ATP8B4: variants seen among roughly 807,000 people sequenced by gnomAD.
ATP8B4 encodes the protein probable phospholipid-transporting ATPase IM.
Under a neutral mutation model 145.6 loss-of-function variants are expected in ATP8B4, and 133 were observed. The observed-to-expected ratio is 0.91, with a 90% CI of 0.79 to 1.05. The LOEUF is 1.05. ATP8B4 is among the 50% of genes least tolerant of loss of function. The pLI, the probability that ATP8B4 is intolerant of heterozygous loss-of-function variation, is 0.00. For missense variants in ATP8B4, 1,458 were observed against 1,425.2 expected (o/e 1.02, Z -0.37); for synonymous variants, 507 against 492.9 (o/e 1.03, Z -0.38).
intron 12 of ATP8B4, among the ~76,000 whole-genome samples, chr15:49,976,576 C>A (rs1292380458): frequency 6.6e-6 from 1 of 152,092 alleles, no homozygotes; most frequent in African/African-American, 2.4e-5. Context: ...GGTCACAACA[C>A]AAATCATGAA....
At chr15:50,135,010 A>AAC (rs1640721023) in intron 1 of ATP8B4, among the ~76,000 whole-genome samples, 1 of 152,208 alleles carries the variant, frequency 6.6e-6, no homozygotes, top group African/African-American at 2.4e-5. Context: ...ACAAAACCTG[A>AAC]ACATTGTTAA....
chr15:49,878,295 C>G (rs991705545), intron 24 of ATP8B4, among the ~76,000 whole-genome samples: 3 of 152,178 alleles, frequency 2.0e-5, no homozygotes, highest in Non-Finnish European at 2.9e-5. Flanking sequence ...TTCAGAAGTT[C>G]ATTACTTTTT....
intron 16 of ATP8B4, among the ~76,000 whole-genome samples, chr15:49,925,554 C>T (rs1292951210): frequency 6.6e-6 from 1 of 152,184 alleles, no homozygotes; most frequent in African/African-American, 2.4e-5. Context: ...CTGGAAGAAT[C>T]ACAAACTGAT....
Position 50,062,158 on chromosome 15 carries a change from A to G in ATP8B4, c.87+11969T>C, listed in dbSNP as rs147007722. ...GTGTCCCCACCCAAGTCTCATATTG[A>G]AATGTAATCTCCAGTGTTGGAGGTG... On this transcript the variant is annotated intron_variant, in intron 3 of 27. Transcript: ENST00000284509. 2.6e-5 allele frequency among the ~76,000 whole-genome samples: 4 copies of G among 152,284 alleles called. No homozygotes were observed. The East Asian group carries it at 7.7e-4, about 29-fold the overall frequency.
At chr15:50,111,655 T>C (rs1361961164) in intron 1 of ATP8B4, among the ~76,000 whole-genome samples, 1 of 152,182 alleles carries the variant, frequency 6.6e-6, no homozygotes, top group East Asian at 1.9e-4. Context: ...TCCTGCTTTT[T>C]CTACTAACTC....
intron 1 of ATP8B4, among the ~76,000 whole-genome samples, chr15:50,142,816 G>A (rs1194240473): frequency 3.3e-5 from 5 of 152,168 alleles, no homozygotes; most frequent in African/African-American, 1.2e-4. Flanking sequence ...CAGTAGGCAT[G>A]CAGGGAGGGA....
chr15:50,134,273 T>C (rs2044091428), intron 1 of ATP8B4, among the ~76,000 whole-genome samples: 4 of 152,006 alleles, frequency 2.6e-5, no homozygotes, highest in African/African-American at 2.4e-5. Flanking sequence ...TAAAACATAA[T>C]GTAAAAATAA....
At chr15:49,998,975 A>G (rs1043729739) in intron 8 of ATP8B4, among the ~76,000 whole-genome samples, 3 of 152,114 alleles carry the variant, frequency 2.0e-5, no homozygotes, top group Admixed American at 1.3e-4. Flanking sequence ...CAGTTTTCCC[A>G]GCACCATTTA....
chr15:50,080,227 G>T (rs2153640795), intron 2 of ATP8B4, among the ~76,000 whole-genome samples: 1 of 152,252 alleles, frequency 6.6e-6, no homozygotes, highest in Middle Eastern at 3.4e-3. Context: ...GCACTCATTG[G>T]ATGCTTGTCT....
chr15:50,154,029 G>A (rs1484103778), intron 1 of ATP8B4, among the ~76,000 whole-genome samples: 2 of 152,166 alleles, frequency 1.3e-5, no homozygotes, highest in East Asian at 3.8e-4. Context: ...TCTTTAGAAA[G>A]ACATAAATAA....
chr15:50,146,397 T>C (rs1053983272), intron 1 of ATP8B4, among the ~76,000 whole-genome samples: 2 of 152,206 alleles, frequency 1.3e-5, no homozygotes, highest in Non-Finnish European at 2.9e-5. Flanking sequence ...TAAGCATGTA[T>C]CATATAAAAA....
intron 25 of ATP8B4, among the ~76,000 whole-genome samples, chr15:49,867,772 T>C (rs1164320130): frequency 6.6e-6 from 1 of 152,072 alleles, no homozygotes; most frequent in African/African-American, 2.4e-5. Flanking sequence ...TAAGACCCCG[T>C]AAGAAGATGC....
intron 2 of ATP8B4, among the ~76,000 whole-genome samples, chr15:50,075,459 T>C (rs1332184991): frequency 1.3e-5 from 2 of 152,166 alleles, no homozygotes; most frequent in African/African-American, 4.8e-5. Context: ...TGACACTCTG[T>C]CTTTGGTTAT....
chr15:49,889,407 C>T (rs1038638905), intron 23 of ATP8B4, among the ~76,000 whole-genome samples: 5 of 152,214 alleles, frequency 3.3e-5, no homozygotes, highest in African/African-American at 7.2e-5. Flanking sequence ...TTCCACCCAA[C>T]ATAGGAAACA....
At chr15:49,905,999 AAGAG>A (rs140691273) in intron 20 of ATP8B4, among the ~76,000 whole-genome samples, 9,850 of 152,138 alleles carry the variant, frequency 0.065, 1,089 homozygotes, top group African/African-American at 0.23. Context: ...TTTTTGCAAA[AAGAG>A]AGATCACATT....
chr15:49,991,117 T>G (rs919183152), intron 9 of ATP8B4, among the ~76,000 whole-genome samples: 1 of 152,164 alleles, frequency 6.6e-6, no homozygotes, highest in Admixed American at 6.6e-5. Flanking sequence ...GCTGTTGGGT[T>G]GTGCTCCAGT....
At chr15:49,890,569 C>A (rs1367247200) in intron 23 of ATP8B4, among the ~76,000 whole-genome samples, 3 of 152,152 alleles carry the variant, frequency 2.0e-5, no homozygotes, top group Non-Finnish European at 2.9e-5. Flanking sequence ...GTGATCTTAA[C>A]GGGGAAGTGA....
chr15:49,935,338 T>C (rs1255497927), intron 14 of ATP8B4, among the ~76,000 whole-genome samples: 3 of 152,104 alleles, frequency 2.0e-5, no homozygotes, highest in Admixed American at 2.0e-4. Flanking sequence ...AACCTGAGCA[T>C]TGCCAAGGCC....
chr15:50,120,134 T>G (rs1595621478), upstream of ATP8B4, among the ~76,000 whole-genome samples: 1 of 152,120 alleles, frequency 6.6e-6, no homozygotes. Context: ...TGAAATCAAA[T>G]AGATTTTAAT....
Sources: allele counts gnomAD v4.1 joint callset (sites outside exome capture counted in the v4.1 genomes callset), GRCh38; gene constraint gnomAD v4.1.1; transcripts MANE v1.5; gene names NCBI Gene and HGNC (gene_info 2026-07-23, HGNC 2026-07-21).